Variants in MYO5A observed in about 807,000 individuals in gnomAD.
MYO5A encodes myosin VA.
In MYO5A, 98 loss-of-function variants were observed where a neutral mutation model predicts 249.7. The observed-to-expected ratio is 0.39, with a 90% CI of 0.33 to 0.46. The LOEUF is 0.46. Among genes scored for constraint, MYO5A ranks in the 20% least tolerant of loss-of-function variants. The pLI, the probability that MYO5A is intolerant of heterozygous loss-of-function variation, is 0.98. For synonymous variants in MYO5A, 778 were observed against 810.6 expected (o/e 0.96, Z 0.68); for missense variants, 1,696 against 2,308.8 (o/e 0.73, Z 5.44).
chr15:52,376,398 C>T lies in MYO5A; in HGVS notation c.2369G>A (p.Arg790Gln), dbSNP rs547967692. 15 of 1,614,094 alleles carry T rather than the reference C, an allele frequency of 9.3e-6. No individual in the cohort carries two copies. Among genetic ancestry groups the T allele is most frequent in the South Asian group, 3.3e-5 (3 of 91,088 alleles). The change falls in exon 19 of 42, where the codon CGG becomes CAG. Residue 790 changes from arginine (R) to glutamine (Q), a missense_variant. Around this residue, in one of 5 missense-constraint regions of MYO5A, gnomAD observed 412 missense variants for 453.3 expected, o/e 0.91. Coordinates refer to ENST00000399233, the MANE Select transcript of MYO5A (RefSeq NM_001382347.1). The stretch of plus-strand genomic sequence containing the variant: ...TCTCTGCATGGTGATGGCTGCCTTC[C>T]GCATGCGTAGGTACTTCTTTCTCAG... Reference protein sequence around the residue: ...WLLRKKYLRMRKAAITMQRYV... With the variant: ...WLLRKKYLRMQKAAITMQRYV...
chr15:52,500,752 G>C (rs182126958), intron 1 of MYO5A, among the ~76,000 whole-genome samples: 1 of 151,932 alleles, frequency 6.6e-6, no homozygotes, highest in Non-Finnish European at 1.5e-5. Context: ...GCCTTTCTTA[G>C]TACCCTCCAA....
At chr15:52,411,465 C>A (rs568767046) in intron 5 of MYO5A, among the ~76,000 whole-genome samples, 3 of 151,890 alleles carry the variant, frequency 2.0e-5, no homozygotes, top group Non-Finnish European at 2.9e-5. Flanking sequence ...TTTTATATAA[C>A]CTTAAAAATT....
At chr15:52,323,596 A>T in intron 36 of MYO5A, 152 bp from the exon 37 acceptor site, 1 of 612,286 alleles carries the variant, frequency 1.6e-6, no homozygotes, top group Admixed American at 2.6e-5. Flanking sequence ...GTCTTATGTC[A>T]TTGCTAGCAG....
intron 20 of MYO5A, among the ~76,000 whole-genome samples, chr15:52,374,534 A>C (rs1254250971): frequency 1.3e-5 from 2 of 152,240 alleles, no homozygotes; most frequent in Non-Finnish European, 1.5e-5. Flanking sequence ...ATTATCCTGG[A>C]TCACATGGGT....
At position 52,323,415 on chromosome 15, in the gene MYO5A, G is replaced by C. The variant is rs1268087623; in HGVS notation, c.4740C>G (p.Ser1580=). ...KKRGDDFETV[S]FWLSNTCRFL... ...ATCGGCATGTGTTAGAGAGCCAGAAGGAGACGGTTTCAAAATCATCACCTC... is the reference window on the plus strand; with the variant it reads ...ATCGGCATGTGTTAGAGAGCCAGAACGAGACGGTTTCAAAATCATCACCTC... The change falls in exon 37 of 42, where the codon TCC becomes TCG. Residue 1580 remains serine (S), a synonymous_variant. Transcript: ENST00000399233. 8 of 1,613,652 alleles carry C rather than the reference G, an allele frequency of 5.0e-6. No individual in the cohort carries two copies. Among genetic ancestry groups the C allele is most frequent in the Non-Finnish European group, 6.8e-6 (8 of 1,179,714 alleles).
In MYO5A at chr15:52,310,128, CA is replaced by C. The variant is rs1435578825; in HGVS notation, c.*3567del. 6.6e-5 allele frequency: 10 copies of C among 152,298 alleles called. No individual in the cohort carries two copies. The highest frequency in any genetic ancestry group is 2.4e-4 in the African/African-American group (10 of 41,560). The allele number at this position is 152,298 out of a possible 1,614,324, so 9.4% of individuals were successfully genotyped here. A position where few individuals can be genotyped will look rare whatever the true frequency, so the allele number is the denominator to read the frequency against. On this transcript the variant is annotated 3_prime_UTR_variant, in exon 42 of 42. Transcript: ENST00000399233. ...TGAAGAAATAACACAGCAAATTCTC[CA>C]AACTGACAATAATCCCCAAATTCCC...
In MYO5A at chr15:52,313,795, G is replaced by A. The variant is rs538307972; in HGVS notation, c.5544C>T (p.His1848=). 4 of 1,613,974 alleles carry A rather than the reference G, an allele frequency of 2.5e-6. No individual in the cohort carries two copies. The highest frequency in any genetic ancestry group is 3.4e-6 in the Non-Finnish European group (4 of 1,179,990). Residue 1848 remains histidine (H), a synonymous_variant, in exon 42 of 42, where the codon CAC becomes CAT. Transcript: ENST00000399233. The part of the protein sequence containing the change: ...DSPQLLMDAK[H]IFPVTFPFNP... ...TGAAAGGAAAGGTGACAGGAAAGAT[G>A]TGTTTAGCATCCATGAGCAGCTGGG...
At chr15:52,416,966 CCTGTTCCA>C (rs1375439172) in intron 4 of MYO5A, among the ~76,000 whole-genome samples, 4 of 152,176 alleles carry the variant, frequency 2.6e-5, no homozygotes, top group African/African-American at 9.7e-5. Flanking sequence ...TCTTTTAATT[CCTGTTCCA>C]CTGCCCACTT....
chr15:52,471,233 T>G (rs1421124402), intron 1 of MYO5A, among the ~76,000 whole-genome samples: 1 of 152,122 alleles, frequency 6.6e-6, no homozygotes, highest in Non-Finnish European at 1.5e-5. Context: ...TAAATCCTGG[T>G]ACTCAATTCT....
chr15:52,366,657 T>TAC (rs890103952), intron 23 of MYO5A, among the ~76,000 whole-genome samples: 10 of 101,524 alleles, frequency 9.8e-5, no homozygotes, highest in Non-Finnish European at 1.5e-4. Context: ...AAAAAGACAA[T>TAC]ACACACACAC....
intron 9 of MYO5A, among the ~76,000 whole-genome samples, chr15:52,399,465 T>A (rs979919406): frequency 1.3e-5 from 2 of 152,144 alleles, no homozygotes; most frequent in African/African-American, 4.8e-5. Context: ...AAAATCTTTA[T>A]CATTGCAAAG....
In MYO5A at chr15:52,317,301, T is replaced by C. The variant is rs145056014; in HGVS notation, c.5235-79A>G. ...TGTCTTAATTTTTTTGTGTGCGGCC[T>C]TGTCAGGATTTATGTTAAAATGACA... On this transcript the variant is annotated intron_variant, in intron 39 of 41. Coordinates refer to ENST00000399233, the MANE Select transcript of MYO5A (RefSeq NM_001382347.1). 1.8e-4 allele frequency: 249 copies of C among 1,372,894 alleles called. 3 individuals carry two copies. The East Asian group carries it at 4.7e-3, about 26-fold the overall frequency. 85.0% of individuals were successfully genotyped at this position (1,372,894 alleles called of 1,614,324 possible).
chr15:52,316,829 T>C (rs1262377659), intron 40 of MYO5A, among the ~76,000 whole-genome samples: 1 of 152,202 alleles, frequency 6.6e-6, no homozygotes, highest in African/African-American at 2.4e-5. Context: ...TCAATAAATA[T>C]TTGCTGAATA....
rs551649743 is a variant in MYO5A, at chr15:52,488,323, C to T, written c.27+40457G>A. On this transcript the variant is annotated intron_variant, in intron 1 of 41. Coordinates refer to ENST00000399233, the MANE Select transcript of MYO5A (RefSeq NM_001382347.1). ...GTAAATAATGAATTCTTGGAAACCACATTTTAATGTGGAGGGCTGTAAAGC... is the reference window on the plus strand; with the variant it reads ...GTAAATAATGAATTCTTGGAAACCATATTTTAATGTGGAGGGCTGTAAAGC... Among the ~76,000 whole-genome samples, 8 of 152,226 alleles carry T rather than the reference C, an allele frequency of 5.3e-5. No individual in the cohort carries two copies. In the South Asian group the frequency reaches 1.5e-3, roughly 28 times the overall value.
At chr15:52,520,953 G>C (rs3764227) in intron 1 of MYO5A, among the ~76,000 whole-genome samples, 74 of 152,122 alleles carry the variant, frequency 4.9e-4, no homozygotes, top group African/African-American at 1.7e-3. Context: ...TATAGGGCTG[G>C]GCACAGTGGT....
intron 1 of MYO5A, among the ~76,000 whole-genome samples, chr15:52,459,308 C>T (rs549020144): frequency 6.6e-5 from 10 of 151,970 alleles, no homozygotes; most frequent in South Asian, 2.1e-4. Context: ...AGGGCCCTGC[C>T]GCCTTCCACC....
intron 1 of MYO5A, among the ~76,000 whole-genome samples, chr15:52,508,679 C>T (rs573937305): frequency 5.3e-5 from 8 of 152,298 alleles, no homozygotes; most frequent in African/African-American, 1.9e-4. Flanking sequence ...GCTGGTAACA[C>T]ACATGTGGTT....
chr15:52,454,755 T>C (rs58922508), intron 1 of MYO5A, among the ~76,000 whole-genome samples: 22,644 of 152,020 alleles, frequency 0.15, 1,800 homozygotes, highest in Middle Eastern at 0.22. Context: ...AGATGGAAAT[T>C]TAAAATTTCC....
At chr15:52,328,226 T>A (rs1025275048) in intron 35 of MYO5A, among the ~76,000 whole-genome samples, 7 of 152,160 alleles carry the variant, frequency 4.6e-5, no homozygotes, top group Non-Finnish European at 1.0e-4. Context: ...CTGCGCTGAC[T>A]TTTCCCTTGA....
Sources: allele counts gnomAD v4.1 joint callset (sites outside exome capture counted in the v4.1 genomes callset), GRCh38; gene constraint gnomAD v4.1.1; regional missense constraint gnomAD v4.1.1; transcripts MANE v1.5; gene names NCBI Gene and HGNC (gene_info 2026-07-23, HGNC 2026-07-21).